PNPLA7: variants seen among roughly 807,000 people sequenced by gnomAD.
The protein encoded by PNPLA7 is patatin-like phospholipase domain-containing protein 7.
In PNPLA7, 153 loss-of-function variants were observed where a neutral mutation model predicts 161.7. The ratio of observed to expected loss-of-function variants is 0.95; its 90% CI spans 0.83 to 1.08. The LOEUF is 1.08. Among genes scored for constraint, PNPLA7 ranks in the 50% least tolerant of loss-of-function variants. The probability of loss-of-function intolerance (pLI) is 0.00; values close to 1 mark genes in which losing one functional copy is unlikely to be tolerated. For missense variants in PNPLA7, 1,739 were observed against 1,856.6 expected, an observed-to-expected ratio of 0.94 and a Z score of 1.16; for synonymous variants, 809 against 782.1, an observed-to-expected ratio of 1.03 and a Z score of -0.57.
intron 22 of PNPLA7, 165 bp downstream of exon 22, chr9:137,480,795 C>T: frequency 2.3e-6 from 2 of 863,808 alleles, no homozygotes; most frequent in Non-Finnish European, 3.6e-6. Flanking sequence ...GTCAGCGCTG[C>T]CCAGTGTGTC....
Position 137,484,692 on chromosome 9 carries a change from C to T in PNPLA7, c.2242G>A (p.Gly748Arg), listed in dbSNP as rs777648092. ...LPTEGSKWDLGNPAVNLSTVA... is the reference protein window; with the variant it reads ...LPTEGSKWDLRNPAVNLSTVA... The stretch of plus-strand genomic sequence containing the variant: ...GTGGACAGGTTGACAGCCGGGTTCC[C>T]CAAGTCCCACTTGCTGCCCTCCGTG... The change falls in exon 21 of 35, where the codon GGG (glycine) becomes AGG (arginine). Residue 748 changes from glycine (G) to arginine (R), a missense_variant. Around this residue, in one of 6 missense-constraint regions of PNPLA7, gnomAD observed 192 missense variants for 249.5 expected, o/e 0.77. Coordinates refer to ENST00000406427, the MANE Select transcript of PNPLA7 (RefSeq NM_001098537.3). The T allele has an allele frequency of 3.1e-6, 5 of 1,612,050 alleles. No homozygotes were observed. In the East Asian group the frequency reaches 1.1e-4, roughly 36 times the overall value.
chr9:137,547,758 C>A lies in PNPLA7; in HGVS notation c.31-99G>T. 1 of 1,161,732 alleles carries A rather than the reference C, an allele frequency of 8.6e-7. No homozygotes were observed. Among genetic ancestry groups the A allele is most frequent in the South Asian group, 1.3e-5 (1 of 79,996 alleles). 72.0% of individuals were successfully genotyped at this position (1,161,732 alleles called of 1,614,324 possible). A position where few individuals can be genotyped will look rare whatever the true frequency, so the allele number is the denominator to read the frequency against. ...GAGAGCTGGGAGTTAGGGGAGAAGT[C>A]AGCAGCCCTGGAGACTTCTGGGAAG... On this transcript the variant is annotated intron_variant, in intron 1 of 34. Transcript: ENST00000406427. The surrounding 1 kb of genome is among the most constrained non-coding windows in gnomAD (Gnocchi z 4.6).
chr9:137,477,370 A>C (rs1313972064), intron 25 of PNPLA7, among the ~76,000 whole-genome samples: 1 of 152,228 alleles, frequency 6.6e-6, no homozygotes, highest in Non-Finnish European at 1.5e-5. Flanking sequence ...GGAGTGAAGG[A>C]AACTCACCAG....
At chr9:137,549,306 GCCTGTAATC>G (rs1168449901) in intron 1 of PNPLA7, among the ~76,000 whole-genome samples, 1 of 152,072 alleles carries the variant, frequency 6.6e-6, no homozygotes, top group Admixed American at 6.5e-5. Context: ...GGTGGCTCAT[GCCTGTAATC>G]CCTGCACTTT....
rs1468138049 is a variant in PNPLA7, at chr9:137,537,349, C to T, written c.747+3293G>A. ...TTTTTTTGAGACAGAGTTGGAGTGT[C>T]ACTCTGTCACCAGGCTGGAGTGCAG... On this transcript the variant is annotated intron_variant, in intron 8 of 34. Coordinates refer to ENST00000406427, the MANE Select transcript of PNPLA7 (RefSeq NM_001098537.3). This position sits in a 1 kb window ranked among gnomAD's most constrained non-coding sequence, Gnocchi z 4.5. 1.3e-5 allele frequency among the ~76,000 whole-genome samples: 2 copies of T among 151,786 alleles called. No individual in the cohort carries two copies. Among genetic ancestry groups the T allele is most frequent in the Non-Finnish European group, 2.9e-5 (2 of 67,944 alleles).
At position 137,518,484 on chromosome 9, in the gene PNPLA7, C is replaced by T. The variant is rs151005283; in HGVS notation, c.1084+1433G>A. On this transcript the variant is annotated intron_variant, in intron 11 of 34. Transcript: ENST00000406427. ...CACTCCACTCTGCTCACTCCATCCC[C>T]CACTCACTCCACTCTGTCCACTCCA... 7.9e-3 allele frequency among the ~76,000 whole-genome samples: 380 copies of T among 47,868 alleles called. 7 individuals are homozygous for T. Among genetic ancestry groups the T allele is most frequent in the Non-Finnish European group, 0.013 (281 of 21,980 alleles). The allele number at this position is 47,868 out of a possible 152,430, so 31.4% of individuals were successfully genotyped here. A position where few individuals can be genotyped will look rare whatever the true frequency, so the allele number is the denominator to read the frequency against.
At position 137,499,718 on chromosome 9, in the gene PNPLA7, C is replaced by T. The variant is rs928201268; in HGVS notation, c.1757+973G>A. Among the ~76,000 whole-genome samples, 5 of 152,370 alleles carry T rather than the reference C, an allele frequency of 3.3e-5. No homozygotes were observed. Among genetic ancestry groups the T allele is most frequent in the Admixed American group, 2.6e-4 (4 of 15,310 alleles). On this transcript the variant is annotated intron_variant, in intron 16 of 34. Transcript: ENST00000406427. This position sits in a 1 kb window ranked among gnomAD's most constrained non-coding sequence, Gnocchi z 5.5. ...CCCCACCCCTGCCCCTTGCCCGGCT[C>T]GGGGTCCCCAGGCTGAAGCAGCAAC...
chr9:137,534,080 G>A (rs187063229), intron 8 of PNPLA7, among the ~76,000 whole-genome samples: 12 of 145,462 alleles, frequency 8.2e-5, no homozygotes, highest in Non-Finnish European at 1.5e-4. Flanking sequence ...CACTCCAGGC[G>A]GGAGGACTCC....
At chr9:137,538,911 G>C (rs1270360249) in intron 8 of PNPLA7, among the ~76,000 whole-genome samples, 1 of 152,136 alleles carries the variant, frequency 6.6e-6, no homozygotes, top group African/African-American at 2.4e-5. Flanking sequence ...AATTAGCCAG[G>C]TGTGATGGCA....
At chr9:137,521,782 CCACACAGAGCACTGAGAA>C in intron 9 of PNPLA7, 66 bp from the exon 10 acceptor site, 1 of 1,405,188 alleles carries the variant, frequency 7.1e-7, no homozygotes, top group Non-Finnish European at 9.8e-7. Context: ...CCCGGCAGCA[CCACACAGAGCACTGAGAA>C]CCGTGCCCCA....
At chr9:137,462,074 G>T in intron 31 of PNPLA7, 33 bp from the exon 32 acceptor site, 1 of 1,539,996 alleles carries the variant, frequency 6.5e-7, no homozygotes, top group South Asian at 1.2e-5. Flanking sequence ...GTCAGGAGGT[G>T]TGGGGAGCCC....
In PNPLA7 at chr9:137,547,010, G is replaced by A; in HGVS notation, c.194-101C>T. ...GTCAGTCATACTCTCGTCCCTGCCA[G>A]TAACTGGCCATACTCAGACAGCATG... On this transcript the variant is annotated intron_variant, in intron 3 of 34. Transcript: ENST00000406427. This position sits in a 1 kb window ranked among gnomAD's most constrained non-coding sequence, Gnocchi z 4.6. The A allele has an allele frequency of 8.8e-7, 1 of 1,135,434 alleles. No individual in the cohort carries two copies. Among genetic ancestry groups the A allele is most frequent in the Non-Finnish European group, 1.3e-6 (1 of 766,028 alleles). The allele number at this position is 1,135,434 out of a possible 1,614,324, so 70.3% of individuals were successfully genotyped here. A position where few individuals can be genotyped will look rare whatever the true frequency, so the allele number is the denominator to read the frequency against.
chr9:137,463,289 C>T (rs1831305376), intron 29 of PNPLA7, 126 bp downstream of exon 29: 1 of 848,536 alleles, frequency 1.2e-6, no homozygotes, highest in Non-Finnish European at 1.8e-6. Flanking sequence ...TTTCCCTTGG[C>T]ATACTCTAAG....
intron 25 of PNPLA7, among the ~76,000 whole-genome samples, chr9:137,469,165 C>T (rs1831606241): frequency 6.6e-6 from 1 of 152,168 alleles, no homozygotes; most frequent in Admixed American, 6.5e-5. Context: ...ATGAAAAGCT[C>T]AATGAGTGGG....
rs1301587504 is a variant in PNPLA7, at chr9:137,547,643, C to G, written c.47G>C (p.Gly16Ala). 3 of 1,612,920 alleles carry G rather than the reference C, an allele frequency of 1.9e-6. No individual in the cohort carries two copies. The highest frequency in any genetic ancestry group is 1.3e-5 in the African/African-American group (1 of 74,948). Reference protein sequence around the residue: ...DDSPQADFCLGTALHSWGLWF... With the variant: ...DDSPQADFCLATALHSWGLWF... ...CAGTCCCCAAGAGTGCAGGGCGGTG[C>G]CCAGGCAGAAGTCAGCCTGCAGCAG... Residue 16 changes from glycine (G) to alanine (A), a missense_variant, in exon 2 of 35, where the codon GGC becomes GCC. Coordinates refer to ENST00000406427, the MANE Select transcript of PNPLA7 (RefSeq NM_001098537.3). This position sits in a 1 kb window ranked among gnomAD's most constrained non-coding sequence, Gnocchi z 4.6.
chr9:137,522,704 A>C, intron 9 of PNPLA7, 25 bp downstream of exon 9: 7 of 1,612,276 alleles, frequency 4.3e-6, no homozygotes, highest in Non-Finnish European at 5.9e-6. Context: ...AGCAGCTAGA[A>C]GAGTTGTCTG....
In PNPLA7 at chr9:137,497,222, C is replaced by A; in HGVS notation, c.1978G>T (p.Ala660Ser). The change falls in exon 18 of 35, where the codon GCC (alanine) becomes TCC (serine). Residue 660 changes from alanine to serine, a missense_variant. Around this residue, in one of 6 missense-constraint regions of PNPLA7, gnomAD observed 481 missense variants for 450.0 expected, o/e 1.07. Transcript: ENST00000406427. ...IRKDDGKKRL[A>S]GEYGRGDLVG... is the part of the protein sequence containing the mutation. Reference sequence around the variant, plus strand: ...AGGTCTCCTCGGCCGTACTCCCCGGCCAGGCGCTTCTTCCCATCATCCTTC... The same window carrying A: ...AGGTCTCCTCGGCCGTACTCCCCGGACAGGCGCTTCTTCCCATCATCCTTC... 1 of 1,588,366 alleles carries A rather than the reference C, an allele frequency of 6.3e-7. No individual in the cohort carries two copies. Among genetic ancestry groups the A allele is most frequent in the Non-Finnish European group, 8.6e-7 (1 of 1,168,740 alleles).
chr9:137,501,471 C>T (rs369608655), intron 15 of PNPLA7, among the ~76,000 whole-genome samples, 179 bp downstream of exon 15: 1 of 152,234 alleles, frequency 6.6e-6, no homozygotes, highest in Non-Finnish European at 1.5e-5. Context: ...GGACACAGCT[C>T]TCAGGGCTCA....
chr9:137,514,066 C>G (rs942052188), intron 12 of PNPLA7, among the ~76,000 whole-genome samples: 2 of 151,912 alleles, frequency 1.3e-5, no homozygotes, highest in Admixed American at 1.3e-4. Flanking sequence ...GGGCGGGTCA[C>G]CTGACTGTTG....
Sources: allele counts gnomAD v4.1 joint callset (sites outside exome capture counted in the v4.1 genomes callset), GRCh38; gene constraint gnomAD v4.1.1; regional missense constraint gnomAD v4.1.1; non-coding constraint Gnocchi (gnomAD v3.1); transcripts MANE v1.5; gene names NCBI Gene and HGNC (gene_info 2026-07-23, HGNC 2026-07-21).